The following MAP2K5 variants were observed in gnomAD, a reference collection of about 807,000 sequenced individuals.
MAP2K5 encodes dual specificity mitogen-activated protein kinase kinase 5.
In MAP2K5, 49 loss-of-function variants were observed where a neutral mutation model predicts 83.1. The observed-to-expected ratio is 0.59, with a 90% CI of 0.47 to 0.75. MAP2K5 has a LOEUF of 0.75. Ranked by LOEUF, MAP2K5 falls within the 30% of genes least tolerant of loss-of-function variation. The pLI, the probability that MAP2K5 is intolerant of heterozygous loss-of-function variation, is 0.00. For missense variants in MAP2K5, 457 were observed against 557.5 expected, an observed-to-expected ratio of 0.82 and a Z score of 1.82; for synonymous variants, 202 against 191.8, an observed-to-expected ratio of 1.05 and a Z score of -0.44.
chr15:67,733,248 G>A (rs557581537), intron 17 of MAP2K5, among the ~76,000 whole-genome samples: 2 of 152,166 alleles, frequency 1.3e-5, no homozygotes, highest in East Asian at 1.9e-4. Flanking sequence ...GAATTTTTTC[G>A]TTTGATTGAT....
At chr15:67,598,430 A>AT (rs1371060412) in intron 7 of MAP2K5, among the ~76,000 whole-genome samples, 3 of 151,880 alleles carry the variant, frequency 2.0e-5, no homozygotes, top group African/African-American at 7.3e-5. Flanking sequence ...ATTTGTCTTG[A>AT]TTTTTTCCAT....
At chr15:67,679,223 G>C (rs77576072) in intron 13 of MAP2K5, among the ~76,000 whole-genome samples, 1 of 152,084 alleles carries the variant, frequency 6.6e-6, no homozygotes. Context: ...TGAGGCTCTG[G>C]CCTTTATTAG....
At chr15:67,597,228 C>T (rs1362787080) in intron 7 of MAP2K5, among the ~76,000 whole-genome samples, 1 of 151,492 alleles carries the variant, frequency 6.6e-6, no homozygotes, top group Non-Finnish European at 1.5e-5. Flanking sequence ...ATAAAAAGCT[C>T]TCCTTCACCT....
intron 21 of MAP2K5, among the ~76,000 whole-genome samples, chr15:67,784,460 C>T (rs2090381641): frequency 6.6e-6 from 1 of 152,242 alleles, no homozygotes; most frequent in Admixed American, 6.5e-5. Context: ...GGATGCTTTG[C>T]TCAACTCCCT....
chr15:67,575,658 G>T (rs2085039986), intron 3 of MAP2K5, among the ~76,000 whole-genome samples: 1 of 152,154 alleles, frequency 6.6e-6, no homozygotes, highest in Non-Finnish European at 1.5e-5. Context: ...TGAGTGCATG[G>T]CATGGCCTAG....
intron 16 of MAP2K5, among the ~76,000 whole-genome samples, chr15:67,715,105 GT>G: frequency 6.6e-6 from 1 of 152,092 alleles, no homozygotes; most frequent in Non-Finnish European, 1.5e-5. Flanking sequence ...CTTGTCATGG[GT>G]CCTCCCCTCC....
In MAP2K5 at chr15:67,702,914, C is replaced by G. The variant is rs549259611; in HGVS notation, c.973-423C>G. On this transcript the variant is annotated intron_variant, in intron 15 of 21. Coordinates refer to ENST00000178640, the MANE Select transcript of MAP2K5 (RefSeq NM_145160.3). The surrounding 1 kb of genome is among the most constrained non-coding windows in gnomAD (Gnocchi z 4.6). ...ACCCTCCTGTTCCAGACCAATCTAT[C>G]AAAATGCAAATAAGTGATAATATCA... 6.6e-6 allele frequency among the ~76,000 whole-genome samples: 1 copy of G among 152,272 alleles called. No homozygotes were observed. Among genetic ancestry groups the G allele is most frequent in the Admixed American group, 6.5e-5 (1 of 15,296 alleles).
chr15:67,575,653 G>C (rs1377187148), intron 3 of MAP2K5, among the ~76,000 whole-genome samples: 1 of 152,176 alleles, frequency 6.6e-6, no homozygotes, highest in Non-Finnish European at 1.5e-5. Context: ...TGCCCTGAGT[G>C]CATGGCATGG....
At position 67,561,250 on chromosome 15, in the gene MAP2K5, A is replaced by G. The variant is rs541730992; in HGVS notation, c.185-2033A>G. ...GTGTGGTGATATGTAACATTACATC[A>G]TTTGTACTTTGTTTTTTCCTGTCTC... On this transcript the variant is annotated intron_variant, in intron 2 of 21. Coordinates refer to ENST00000178640, the MANE Select transcript of MAP2K5 (RefSeq NM_145160.3). The surrounding 1 kb of genome is among the most constrained non-coding windows in gnomAD (Gnocchi z 4.2). 6.6e-6 allele frequency among the ~76,000 whole-genome samples: 1 copy of G among 152,224 alleles called. No homozygotes were observed. The highest frequency in any genetic ancestry group is 2.4e-5 in the African/African-American group (1 of 41,538).
intron 8 of MAP2K5, among the ~76,000 whole-genome samples, chr15:67,629,395 A>ATTT (rs34983376): frequency 6.7e-6 from 1 of 149,338 alleles, no homozygotes; most frequent in Non-Finnish European, 1.5e-5. Flanking sequence ...TCTAATGTAG[A>ATTT]TTTTTTTTTT....
chr15:67,585,693 C>G (rs1371364152), intron 4 of MAP2K5, 197 bp from the exon 5 acceptor site: 1 of 541,758 alleles, frequency 1.8e-6, no homozygotes, highest in East Asian at 2.9e-5. Context: ...TCAGAAAGCT[C>G]TTTGCATTTA....
At chr15:67,696,183 T>C (rs12232311) in intron 15 of MAP2K5, among the ~76,000 whole-genome samples, 147,853 of 150,478 alleles carry the variant, frequency 0.98, 72,706 homozygotes, top group Middle Eastern at 1. Flanking sequence ...TTATATTTTA[T>C]AATTTTGAGT....
intron 13 of MAP2K5, among the ~76,000 whole-genome samples, chr15:67,685,928 G>T (rs1200108797): frequency 6.6e-6 from 1 of 152,206 alleles, no homozygotes; most frequent in Admixed American, 6.5e-5. Flanking sequence ...AGCAGAATTT[G>T]AGTAGTTACA....
chr15:67,693,438 G>T, intron 14 of MAP2K5, 80 bp from the exon 15 acceptor site: 1 of 1,068,768 alleles, frequency 9.4e-7, no homozygotes, highest in Non-Finnish European at 1.4e-6. Context: ...AATGATGATT[G>T]TAGGTTAAAT....
At chr15:67,586,359 T>C (rs919424765) in intron 5 of MAP2K5, among the ~76,000 whole-genome samples, 2 of 152,230 alleles carry the variant, frequency 1.3e-5, no homozygotes, top group African/African-American at 4.8e-5. Flanking sequence ...GATTTCTGTT[T>C]AGGGCTTCAC....
chr15:67,599,783 G>A (rs2085613727), intron 7 of MAP2K5, among the ~76,000 whole-genome samples: 2 of 151,858 alleles, frequency 1.3e-5, no homozygotes, highest in African/African-American at 2.4e-5. Context: ...AAAGTTGGCA[G>A]TTAATTTTTA....
intron 21 of MAP2K5, among the ~76,000 whole-genome samples, chr15:67,792,264 A>G (rs2090530904): frequency 6.6e-6 from 1 of 152,200 alleles, no homozygotes; most frequent in Non-Finnish European, 1.5e-5. Context: ...CTTAATTGTT[A>G]TGAGAAGAGT....
At chr15:67,583,369 T>C (rs921426969) in intron 4 of MAP2K5, among the ~76,000 whole-genome samples, 3 of 152,190 alleles carry the variant, frequency 2.0e-5, no homozygotes, top group African/African-American at 4.8e-5. Context: ...TTGTCATATG[T>C]AGTCTTAGCA....
chr15:67,620,481 G>A (rs1286359910), intron 8 of MAP2K5, among the ~76,000 whole-genome samples: 2 of 152,078 alleles, frequency 1.3e-5, no homozygotes, highest in Non-Finnish European at 2.9e-5. Context: ...AGGCAATAGA[G>A]TAGTTGATGC....
Sources: gnomAD v4.1 joint callset for allele counts (sites outside exome capture counted in the v4.1 genomes callset) on GRCh38, gnomAD v4.1.1 for gene constraint, Gnocchi (gnomAD v3.1) non-coding constraint, MANE v1.5 for transcripts, NCBI Gene and HGNC (gene_info 2026-07-23, HGNC 2026-07-21) for gene names.